Variants in SLC35F1 observed in about 807,000 individuals in gnomAD.
SLC35F1 encodes chromosome 6 open reading frame 169.
In SLC35F1, 14 loss-of-function variants were observed where a neutral mutation model predicts 48.7. The observed-to-expected ratio is 0.29, with a 90% confidence interval of 0.19 to 0.45. The LOEUF is 0.45. Ranked by LOEUF, SLC35F1 falls within the 20% of genes least tolerant of loss-of-function variation. The pLI is 1.00. For missense variants in SLC35F1, 404 were observed against 500.0 expected (o/e 0.81, Z 1.83); for synonymous variants, 190 against 202.2 (o/e 0.94, Z 0.51).
intron 3 of SLC35F1, among the ~76,000 whole-genome samples, chr6:118,263,454 G>A (rs995360898): frequency 1.1e-4 from 16 of 151,960 alleles, no homozygotes; most frequent in Non-Finnish European, 1.8e-4. Flanking sequence ...AAATCCTTAG[G>A]GGGAAAAAAG....
intron 1 of SLC35F1, among the ~76,000 whole-genome samples, chr6:118,093,170 G>A (rs938654769): frequency 5.3e-5 from 8 of 152,182 alleles, no homozygotes; most frequent in African/African-American, 1.9e-4. Context: ...ACAAAAATTA[G>A]CAGGGTGTGG....
chr6:118,244,602 T>C (rs1775484213), intron 3 of SLC35F1, among the ~76,000 whole-genome samples: 1 of 152,282 alleles, frequency 6.6e-6, no homozygotes, highest in Admixed American at 6.5e-5. Context: ...TTTGCAAGAT[T>C]GGAAAACATG....
At chr6:117,988,345 C>T (rs1306392380) in intron 1 of SLC35F1, among the ~76,000 whole-genome samples, 1 of 152,138 alleles carries the variant, frequency 6.6e-6, no homozygotes, top group East Asian at 1.9e-4. Context: ...GCAGCAAACC[C>T]ATCTAGGCTA....
At chr6:118,135,156 G>A (rs996748266) in intron 1 of SLC35F1, among the ~76,000 whole-genome samples, 6 of 152,220 alleles carry the variant, frequency 3.9e-5, no homozygotes, top group Non-Finnish European at 5.9e-5. Context: ...CCTTACATCC[G>A]ATCTTTAGTG....
chr6:118,225,334 C>T (rs1775201173), intron 2 of SLC35F1, among the ~76,000 whole-genome samples: 2 of 152,246 alleles, frequency 1.3e-5, no homozygotes, highest in East Asian at 3.9e-4. Flanking sequence ...AGATATAAAT[C>T]TATGTATTTA....
intron 1 of SLC35F1, among the ~76,000 whole-genome samples, chr6:118,136,822 G>A (rs1773804128): frequency 6.6e-6 from 1 of 152,180 alleles, no homozygotes; most frequent in South Asian, 2.1e-4. Context: ...CATTGAGAAT[G>A]CATAGAGGAG....
chr6:117,931,663 A>G (rs1776103443), intron 1 of SLC35F1, among the ~76,000 whole-genome samples: 1 of 152,116 alleles, frequency 6.6e-6, no homozygotes, highest in Non-Finnish European at 1.5e-5. Context: ...GAGTAGGTGA[A>G]GGTAGGGTGG....
chr6:118,191,328 C>G (rs1774730779), intron 2 of SLC35F1, among the ~76,000 whole-genome samples: 1 of 152,156 alleles, frequency 6.6e-6, no homozygotes, highest in Non-Finnish European at 1.5e-5. Context: ...ACAAAAGTAT[C>G]CCATAAGTGC....
chr6:118,073,107 C>G (rs1053493513), intron 1 of SLC35F1, among the ~76,000 whole-genome samples: 1 of 152,118 alleles, frequency 6.6e-6, no homozygotes, highest in African/African-American at 2.4e-5. Flanking sequence ...AATTCCTTTC[C>G]TAGCATTTAA....
chr6:117,973,174 T>C (rs1776664912), intron 1 of SLC35F1, among the ~76,000 whole-genome samples: 1 of 152,228 alleles, frequency 6.6e-6, no homozygotes, highest in African/African-American at 2.4e-5. Context: ...GGCCACCTTC[T>C]TGCTGTGCTT....
intron 1 of SLC35F1, among the ~76,000 whole-genome samples, chr6:117,951,853 C>A (rs977082428): frequency 6.6e-6 from 1 of 152,166 alleles, no homozygotes; most frequent in African/African-American, 2.4e-5. Context: ...AGGGAAATGA[C>A]AAGGGATTCA....
intron 1 of SLC35F1, among the ~76,000 whole-genome samples, chr6:117,916,152 G>A (rs1775823536): frequency 6.6e-6 from 1 of 152,178 alleles, no homozygotes; most frequent in South Asian, 2.1e-4. Context: ...TGGCCAGACC[G>A]TGATGAGAAC....
chr6:117,928,609 T>C (rs1037992031), intron 1 of SLC35F1, among the ~76,000 whole-genome samples: 17 of 152,210 alleles, frequency 1.1e-4, no homozygotes, highest in African/African-American at 3.9e-4. Flanking sequence ...TAATTAGATG[T>C]ATGCCAGAAG....
intron 1 of SLC35F1, among the ~76,000 whole-genome samples, chr6:117,951,745 A>G (rs1776365396): frequency 6.6e-6 from 1 of 152,200 alleles, no homozygotes; most frequent in Non-Finnish European, 1.5e-5. Context: ...AACCCAGGCT[A>G]GTGTTCAAGG....
intron 1 of SLC35F1, among the ~76,000 whole-genome samples, chr6:118,112,292 C>T (rs1773419110): frequency 6.6e-6 from 1 of 151,934 alleles, no homozygotes; most frequent in African/African-American, 2.4e-5. Context: ...TCTAATTTTG[C>T]TTTAAAGGTA....
chr6:117,995,071 G>C (rs1776967621), intron 1 of SLC35F1, among the ~76,000 whole-genome samples: 1 of 152,048 alleles, frequency 6.6e-6, no homozygotes. Flanking sequence ...CAGTATTTTG[G>C]CTTCCCAATA....
chr6:117,914,741 C>T (rs146737845), intron 1 of SLC35F1, among the ~76,000 whole-genome samples: 1 of 152,122 alleles, frequency 6.6e-6, no homozygotes, highest in African/African-American at 2.4e-5. Flanking sequence ...TGTTTTCAAG[C>T]TGATCTGACA....
chr6:118,177,725 T>G (rs1450871286), intron 2 of SLC35F1, among the ~76,000 whole-genome samples: 3 of 152,164 alleles, frequency 2.0e-5, no homozygotes, highest in African/African-American at 7.2e-5. Flanking sequence ...AAACAGAATT[T>G]TCCTCTGTTA....
intron 2 of SLC35F1, among the ~76,000 whole-genome samples, chr6:118,210,063 C>T (rs1774983037): frequency 6.6e-6 from 1 of 152,084 alleles, no homozygotes; most frequent in African/African-American, 2.4e-5. Flanking sequence ...TGCTAAGACA[C>T]TTAGTTGGAG....
Sources: gnomAD v4.1 joint callset for allele counts (sites outside exome capture counted in the v4.1 genomes callset) on GRCh38, gnomAD v4.1.1 for gene constraint, MANE v1.5 for transcripts, NCBI Gene and HGNC (gene_info 2026-07-23, HGNC 2026-07-21) for gene names.